The following EPYC variants were observed in gnomAD, a reference collection of about 807,000 sequenced individuals.
EPYC encodes the protein epiphycan.
In EPYC, 28 loss-of-function variants were observed where a neutral mutation model predicts 30.1. That is an observed-to-expected ratio of 0.93 (90% CI 0.69 to 1.28). EPYC has a LOEUF of 1.28. Among genes scored for constraint, EPYC ranks in the 50% most tolerant of loss-of-function variants. The pLI, the probability that EPYC is intolerant of heterozygous loss-of-function variation, is 0.00. For missense variants in EPYC, 382 were observed against 383.5 expected, an observed-to-expected ratio of 1.00 and a Z score of 0.03; for synonymous variants, 144 against 141.4, an observed-to-expected ratio of 1.02 and a Z score of -0.13.
At chr12:90,973,839 C>T (rs1032022879) in intron 3 of EPYC, among the ~76,000 whole-genome samples, 2 of 151,992 alleles carry the variant, frequency 1.3e-5, no homozygotes, top group African/African-American at 2.4e-5. Context: ...AGGTATCATA[C>T]GATGCGGTTT....
At chr12:90,986,963 T>TTATTAGGCCTCCTGAA (rs1877461997) in intron 2 of EPYC, among the ~76,000 whole-genome samples, 1 of 152,124 alleles carries the variant, frequency 6.6e-6, no homozygotes, top group South Asian at 2.1e-4. Flanking sequence ...TGCCTAGCAA[T>TTATTAGGCCTCCTGAA]TATTAGGCCT....
intron 2 of EPYC, among the ~76,000 whole-genome samples, chr12:91,000,910 G>T (rs1877807818): frequency 6.6e-6 from 1 of 152,024 alleles, no homozygotes; most frequent in South Asian, 2.1e-4. Flanking sequence ...AGATGTAGAA[G>T]TCACATAGGC....
chr12:90,965,888 A>T (rs1178757084), intron 6 of EPYC, among the ~76,000 whole-genome samples: 1 of 152,014 alleles, frequency 6.6e-6, no homozygotes, highest in Non-Finnish European at 1.5e-5. Flanking sequence ...TGTGACTATT[A>T]TAAACAGGAT....
chr12:90,994,512 G>T (rs1332196578), intron 2 of EPYC, among the ~76,000 whole-genome samples: 1 of 152,124 alleles, frequency 6.6e-6, no homozygotes, highest in Non-Finnish European at 1.5e-5. Flanking sequence ...TAGGCCCTGG[G>T]TTATTCAGCA....
chr12:90,981,715 T>C (rs901816121), intron 2 of EPYC, among the ~76,000 whole-genome samples: 3 of 152,172 alleles, frequency 2.0e-5, no homozygotes, highest in Non-Finnish European at 2.9e-5. Context: ...CACATCTTCC[T>C]GATTGCTTCA....
rs771479149 is a variant in EPYC, at chr12:91,002,406, C to T, written c.160G>A (p.Val54Ile). The T allele has an allele frequency of 6.2e-7, 1 of 1,611,188 alleles. No homozygotes were observed. The highest frequency in any genetic ancestry group is 1.1e-5 in the South Asian group (1 of 90,452). ...YNYENIPVDK[V>I]EIEIATVMPS... is the part of the protein sequence containing the mutation. ...AGAGTAGGAGGATCGATTACCTCAA[C>T]TTTATCAACAGGTATGTTTTCATAG... is the stretch of plus-strand genomic sequence containing the variant. Residue 54 changes from valine (V) to isoleucine (I), a missense_variant, in exon 2 of 7, where the codon GTT becomes ATT. Coordinates refer to ENST00000261172, the MANE Select transcript of EPYC (RefSeq NM_004950.5).
chr12:90,966,848 A>C (rs1299497815), intron 6 of EPYC, among the ~76,000 whole-genome samples: 1 of 152,092 alleles, frequency 6.6e-6, no homozygotes, highest in African/African-American at 2.4e-5. Context: ...TCCATTCTTT[A>C]GTCAATTTCA....
chr12:90,988,293 T>G (rs1303803209), intron 2 of EPYC, among the ~76,000 whole-genome samples: 1 of 152,126 alleles, frequency 6.6e-6, no homozygotes, highest in East Asian at 1.9e-4. Context: ...AGGAGCAGCT[T>G]CTTTATTCTT....
chr12:90,983,525 C>T (rs1047186435), intron 2 of EPYC, among the ~76,000 whole-genome samples: 2 of 152,138 alleles, frequency 1.3e-5, no homozygotes, highest in South Asian at 4.1e-4. Context: ...CCAGCTTCTG[C>T]TTTTCTTATA....
chr12:90,968,589 G>A lies in EPYC; in HGVS notation c.798+1455C>T, dbSNP rs940112563. 3.9e-5 allele frequency among the ~76,000 whole-genome samples: 6 copies of A among 152,176 alleles called. No individual in the cohort carries two copies. In the East Asian group the frequency reaches 7.7e-4, roughly 20 times the overall value. Reference sequence around the variant, plus strand: ...TTGGATGTTGTGAGCTGACAGTGACGGAGAAAAAAATTTTAAGTTGCACTT... The same window carrying A: ...TTGGATGTTGTGAGCTGACAGTGACAGAGAAAAAAATTTTAAGTTGCACTT... On this transcript the variant is annotated intron_variant, in intron 6 of 6. Coordinates refer to ENST00000261172, the MANE Select transcript of EPYC (RefSeq NM_004950.5).
At chr12:90,986,425 C>CT (rs1331890924) in intron 2 of EPYC, among the ~76,000 whole-genome samples, 1 of 152,118 alleles carries the variant, frequency 6.6e-6, no homozygotes, top group East Asian at 1.9e-4. Context: ...AGTGCAAAAT[C>CT]TTAGACTCAT....
chr12:90,992,957 TG>T (rs1464301609), intron 2 of EPYC, among the ~76,000 whole-genome samples: 1 of 152,016 alleles, frequency 6.6e-6, no homozygotes, highest in Non-Finnish European at 1.5e-5. Context: ...TAACTTTTGG[TG>T]GGGCATTTCT....
At position 90,967,138 on chromosome 12, in the gene EPYC, C is replaced by T. The variant is rs151338513; in HGVS notation, c.799-2812G>A. 3.0e-3 allele frequency among the ~76,000 whole-genome samples: 458 copies of T among 151,710 alleles called. 4 individuals are homozygous for T. The highest frequency in any genetic ancestry group is 0.011 in the African/African-American group (442 of 41,424). On this transcript the variant is annotated intron_variant, in intron 6 of 6. Coordinates refer to ENST00000261172, the MANE Select transcript of EPYC (RefSeq NM_004950.5). The stretch of plus-strand genomic sequence containing the variant: ...TGCTTTAATTTTTATTATTTCTATT[C>T]TGCTTGCTTTGGGTTAGTTTCCTCT...
chr12:90,967,217 T>G (rs780296166), intron 6 of EPYC, among the ~76,000 whole-genome samples: 11 of 152,084 alleles, frequency 7.2e-5, no homozygotes, highest in Non-Finnish European at 1.2e-4. Flanking sequence ...GAGATCTTCT[T>G]TTTTAATATA....
At chr12:90,999,919 T>G (rs1025984716) in intron 2 of EPYC, among the ~76,000 whole-genome samples, 1 of 152,112 alleles carries the variant, frequency 6.6e-6, no homozygotes, top group Admixed American at 6.6e-5. Flanking sequence ...TTTTTGTTTT[T>G]GTATTTCTTT....
At chr12:90,967,707 T>C (rs1350285762) in intron 6 of EPYC, among the ~76,000 whole-genome samples, 2 of 152,204 alleles carry the variant, frequency 1.3e-5, no homozygotes, top group African/African-American at 4.8e-5. Context: ...GTGCGGTGGC[T>C]CATGCCAGTA....
chr12:90,989,956 A>T (rs1276257592), intron 2 of EPYC, among the ~76,000 whole-genome samples: 2 of 152,048 alleles, frequency 1.3e-5, no homozygotes, highest in Non-Finnish European at 2.9e-5. Flanking sequence ...TCTAATAGCA[A>T]AGTCAGTTCA....
chr12:90,996,976 T>C (rs1255891074), intron 2 of EPYC, among the ~76,000 whole-genome samples: 1 of 151,930 alleles, frequency 6.6e-6, no homozygotes, highest in African/African-American at 2.4e-5. Context: ...CAGGGAAGAC[T>C]GAGACAAAAA....
intron 2 of EPYC, among the ~76,000 whole-genome samples, chr12:90,983,123 T>C (rs1023264661): frequency 6.6e-6 from 1 of 152,170 alleles, no homozygotes; most frequent in South Asian, 2.1e-4. Context: ...AAGGGTTCCC[T>C]TTTCTCCACA....
Sources: allele counts gnomAD v4.1 joint callset (sites outside exome capture counted in the v4.1 genomes callset), GRCh38; gene constraint gnomAD v4.1.1; transcripts MANE v1.5; gene names NCBI Gene and HGNC (gene_info 2026-07-23, HGNC 2026-07-21).